Variants in URGCP observed in about 807,000 individuals in gnomAD.
URGCP encodes the protein up-regulator of cell proliferation.
A neutral mutation model predicts 24.6 loss-of-function variants in URGCP; 13 were observed. That is an observed-to-expected ratio of 0.53 (90% CI 0.34 to 0.84). The LOEUF (loss-of-function observed/expected upper bound fraction) is 0.84, where lower values mean the gene tolerates loss of function less well. Ranked by LOEUF, URGCP falls within the 40% of genes least tolerant of loss-of-function variation. The pLI, the probability that URGCP is intolerant of heterozygous loss-of-function variation, is 0.01. For missense variants in URGCP, 899 were observed against 1,194.3 expected, an observed-to-expected ratio of 0.75 and a Z score of 3.64; for synonymous variants, 444 against 487.2, an observed-to-expected ratio of 0.91 and a Z score of 1.17.
At chr7:43,905,777 C>T (rs1253597786) in intron 1 of URGCP, 1 of 152,150 alleles carries the variant, frequency 6.6e-6, no homozygotes, top group African/African-American at 2.4e-5. Context: ...GTTGGACTGT[C>T]ATTCCCAAAT....
chr7:43,881,394 C>T, intron 5 of URGCP: 1 of 612,074 alleles, frequency 1.6e-6, no homozygotes, highest in Non-Finnish European at 2.9e-6. Flanking sequence ...TCCAAACATG[C>T]TAACTTATTA....
upstream of URGCP, among the ~76,000 whole-genome samples, chr7:43,909,967 C>T (rs11976401): frequency 0.075 from 11,479 of 152,122 alleles, 581 homozygotes; most frequent in African/African-American, 0.14. Flanking sequence ...TGCTTGAACC[C>T]GGGAGGCAGA....
chr7:43,891,163 T>G (rs987900667), intron 1 of URGCP, among the ~76,000 whole-genome samples: 5 of 152,180 alleles, frequency 3.3e-5, no homozygotes, highest in Non-Finnish European at 7.3e-5. Context: ...AGTCCATCCA[T>G]GCCTAGAATA....
chr7:43,925,797 G>GTTTTTTTTTTT (rs2095929053), intron 1 of URGCP, among the ~76,000 whole-genome samples: 3 of 37,532 alleles, frequency 8.0e-5, no homozygotes, highest in Non-Finnish European at 1.5e-4. Flanking sequence ...ACCTCGTCTG[G>GTTTTTTTTTTT]CTTTTTTTTT....
At chr7:43,887,611 A>G in intron 2 of URGCP, 126 bp from the exon 3 acceptor site, 1 of 1,482,048 alleles carries the variant, frequency 6.7e-7, no homozygotes, top group Non-Finnish European at 9.0e-7. Flanking sequence ...CACACCCCAG[A>G]TCCATGAAAC....
chr7:43,898,262 T>C (rs78873942), intron 1 of URGCP, among the ~76,000 whole-genome samples: 2,568 of 152,238 alleles, frequency 0.017, 71 homozygotes, highest in African/African-American at 0.058. Context: ...AAAACTATCA[T>C]AAACAATGAG....
upstream of URGCP, chr7:43,926,537 C>A (rs766557323): frequency 6.4e-7 from 1 of 1,565,182 alleles, no homozygotes; most frequent in Non-Finnish European, 8.6e-7. Flanking sequence ...GGTAGGATGG[C>A]GCTAAAGCGG....
intron 1 of URGCP, chr7:43,919,448 C>CAATG: frequency 1.1e-6 from 1 of 946,226 alleles, no homozygotes; most frequent in South Asian, 1.3e-5. Flanking sequence ...GCTACATGGA[C>CAATG]AATGACCTCA....
At position 43,878,016 on chromosome 7, in the gene URGCP, T is replaced by C. The variant is rs373159279; in HGVS notation, c.1447A>G (p.Ile483Val). The C allele has an allele frequency of 2.5e-6, 4 of 1,614,218 alleles. No homozygotes were observed. The highest frequency in any genetic ancestry group is 3.4e-6 in the Non-Finnish European group (4 of 1,180,040). ...KDRMERITRK[I>V]KDSDAYRRDE... ...CTTCTGTAGGCATCCGAGTCTTTGA[T>C]TTTCCTGGTAATCCTCTCCATCCGG... The change falls in exon 6 of 6, where the codon ATC (isoleucine) becomes GTC (valine). Residue 483 changes from isoleucine (I) to valine (V), a missense_variant. Transcript: ENST00000453200. This position sits in a 1 kb window ranked among gnomAD's most constrained non-coding sequence, Gnocchi z 5.6.
chr7:43,896,230 G>A (rs140921490), intron 1 of URGCP, among the ~76,000 whole-genome samples: 81 of 152,178 alleles, frequency 5.3e-4, no homozygotes, highest in Middle Eastern at 3.4e-3. Context: ...CACCAGGTGC[G>A]GTGGCTCACG....
chr7:43,913,937 G>T (rs1487001316), intron 1 of URGCP, among the ~76,000 whole-genome samples: 1 of 152,086 alleles, frequency 6.6e-6, no homozygotes, highest in Non-Finnish European at 1.5e-5. Context: ...ACCCTCAAGT[G>T]ATCCACCTGC....
chr7:43,912,615 G>A (rs1029818373), intron 1 of URGCP, among the ~76,000 whole-genome samples: 4 of 140,942 alleles, frequency 2.8e-5, no homozygotes, highest in African/African-American at 1.1e-4. Flanking sequence ...AAACCATCGA[G>A]ATTTTGATAG....
Position 43,879,037 on chromosome 7 carries a change from G to A in URGCP, c.426C>T (p.Ala142=), listed in dbSNP as rs781686169. The part of the protein sequence containing the change: ...TTMVLDVLPD[A]RPVEKESQME... ...TCTGGCTCTCCTTCTCCACAGGCCT[G>A]GCGTCTGGGAGCACGTCCAGCACCA... Residue 142 remains alanine (A), a synonymous_variant, in exon 6 of 6, where the codon GCC becomes GCT. Coordinates refer to ENST00000453200, the MANE Select transcript of URGCP (RefSeq NM_001077663.3). 3 of 1,614,206 alleles carry A rather than the reference G, an allele frequency of 1.9e-6. No homozygotes were observed. In the South Asian group the frequency reaches 3.3e-5, roughly 18 times the overall value.
chr7:43,897,203 A>AAAATAAAT (rs139278100), intron 1 of URGCP, among the ~76,000 whole-genome samples: 13,204 of 151,552 alleles, frequency 0.087, 742 homozygotes, highest in Middle Eastern at 0.14. Context: ...ACTCTGTCTC[A>AAAATAAAT]AAATAAATAA....
At position 43,877,160 on chromosome 7, in the gene URGCP, A is replaced by C. The variant is rs2095845943; in HGVS notation, c.2303T>G (p.Phe768Cys). The stretch of plus-strand genomic sequence containing the variant: ...AGTGGCCAAGGAAGCCTCCAGCTCA[A>C]ATCTGTCCCCAGCTGACGTCAAGGC... ...GGALTSAGDR[F>C]ELEASLATLL... The change falls in exon 6 of 6, where the codon TTT becomes TGT. Residue 768 changes from phenylalanine to cysteine, a missense_variant. Physicochemically the swap from Phe to Cys is radical, Grantham distance 205 (BLOSUM62 -2). Coordinates refer to ENST00000453200, the MANE Select transcript of URGCP (RefSeq NM_001077663.3). 15 of 1,614,166 alleles carry C rather than the reference A, an allele frequency of 9.3e-6. No homozygotes were observed. Among genetic ancestry groups the C allele is most frequent in the Non-Finnish European group, 1.3e-5 (15 of 1,180,020 alleles).
At chr7:43,912,669 C>A (rs2095911239) in intron 1 of URGCP, among the ~76,000 whole-genome samples, 1 of 152,150 alleles carries the variant, frequency 6.6e-6, no homozygotes. Flanking sequence ...ATAGTGACAT[C>A]TTAACAATAT....
upstream of URGCP, among the ~76,000 whole-genome samples, chr7:43,909,072 T>C (rs1355507692): frequency 6.6e-6 from 1 of 152,166 alleles, no homozygotes. Flanking sequence ...AAACATCCCA[T>C]AAACATCAAT....
chr7:43,881,474 GT>G (rs751531869), intron 5 of URGCP, among the ~76,000 whole-genome samples, 184 bp downstream of exon 5: 3,442 of 127,292 alleles, frequency 0.027, 48 homozygotes, highest in African/African-American at 0.052. Context: ...GCTTCCCAGG[GT>G]TTTTTTTTTT....
chr7:43,881,526 A>T, intron 5 of URGCP, 133 bp downstream of exon 5: 2 of 980,924 alleles, frequency 2.0e-6, no homozygotes, highest in Non-Finnish European at 3.0e-6. Flanking sequence ...ATAAAGGGTT[A>T]ATGAAGTAGG....
Sources: gnomAD v4.1 joint callset for allele counts (sites outside exome capture counted in the v4.1 genomes callset) on GRCh38, gnomAD v4.1.1 for gene constraint, Gnocchi (gnomAD v3.1) non-coding constraint, MANE v1.5 for transcripts, NCBI Gene and HGNC (gene_info 2026-07-23, HGNC 2026-07-21) for gene names.